The following USP7 variants were observed in gnomAD, a reference collection of about 807,000 sequenced individuals.
USP7 encodes the protein ubiquitin C-terminal hydrolase 7.
In USP7, 9 loss-of-function variants were observed where a neutral mutation model predicts 162.9. The observed-to-expected ratio is 0.06, with a 90% CI of 0.03 to 0.10. The LOEUF is 0.10. USP7 is among the 10% of genes least tolerant of loss of function. The pLI, the probability that USP7 is intolerant of heterozygous loss-of-function variation, is 1.00. For missense variants in USP7, 715 were observed against 1,373.7 expected (o/e 0.52, Z 7.58); for synonymous variants, 562 against 475.9 (o/e 1.18, Z -2.35).
intron 1 of USP7, chr16:8,936,859 T>C (rs2141243417): frequency 1.2e-6 from 1 of 848,818 alleles, no homozygotes; most frequent in African/African-American, 1.8e-5. Context: ...AATCTGACTT[T>C]GGTTAACAAC....
chr16:8,930,609 C>G (rs1898267729), intron 1 of USP7, among the ~76,000 whole-genome samples: 1 of 152,142 alleles, frequency 6.6e-6, no homozygotes, highest in African/African-American at 2.4e-5. Context: ...AATTTGAAAA[C>G]ATGCTATACC....
intron 1 of USP7, among the ~76,000 whole-genome samples, chr16:8,954,694 G>A (rs1202770543): frequency 6.6e-6 from 1 of 152,186 alleles, no homozygotes; most frequent in Non-Finnish European, 1.5e-5. Context: ...AGCAATTGCA[G>A]GCCGGGCACG....
intron 4 of USP7, 99 bp downstream of exon 4, chr16:8,921,058 C>A: frequency 3.0e-6 from 4 of 1,321,244 alleles, no homozygotes; most frequent in Non-Finnish European, 4.1e-6. Context: ...AAGTAAAAAT[C>A]TGACTCTAAA....
chr16:8,905,341 AAAC>A lies in USP7; in HGVS notation c.1429-13_1429-11del, dbSNP rs1257038000. 7.4e-6 allele frequency: 12 copies of A among 1,613,330 alleles called. No homozygotes were observed. Among genetic ancestry groups the A allele is most frequent in the South Asian group, 4.4e-5 (4 of 91,072 alleles). On this transcript the variant is annotated splice_polypyrimidine_tract_variant and intron_variant, in intron 13 of 30. Transcript: ENST00000344836. ...CATCAAATTTACACCACTGCAAGGA[AAAC>A]AACACACACCAGCAGCGATCAAGCA...
At chr16:8,948,620 G>A (rs997555889) in intron 1 of USP7, among the ~76,000 whole-genome samples, 3 of 152,186 alleles carry the variant, frequency 2.0e-5, no homozygotes, top group Non-Finnish European at 4.4e-5. Context: ...CTAAATCATG[G>A]TGAAGTTCCA....
At chr16:8,933,859 A>G (rs1159833524) in intron 1 of USP7, among the ~76,000 whole-genome samples, 2 of 151,570 alleles carry the variant, frequency 1.3e-5, no homozygotes, top group African/African-American at 4.9e-5. Flanking sequence ...GGGTTCAAAT[A>G]ATCCTCCTGC....
rs191330404 is a variant in USP7, at chr16:8,915,355, G to C, written c.988-11C>G. 1.9e-5 allele frequency: 31 copies of C among 1,613,110 alleles called. No homozygotes were observed. The highest frequency in any genetic ancestry group is 2.4e-5 in the Non-Finnish European group (28 of 1,179,648). ...ACACTGGATATAGGACTGCAAATAA[G>C]GAAAGTAAAAGTGGTTTAACTAGTA... On this transcript the variant is annotated splice_polypyrimidine_tract_variant and intron_variant, in intron 9 of 30. Coordinates refer to ENST00000344836, the MANE Select transcript of USP7 (RefSeq NM_003470.3).
chr16:8,956,593 C>G (rs1310521177), intron 1 of USP7, among the ~76,000 whole-genome samples: 1 of 151,984 alleles, frequency 6.6e-6, no homozygotes, highest in Admixed American at 6.6e-5. Flanking sequence ...GGTGAAACGC[C>G]ATCTCTACTA....
At chr16:8,899,814 G>C (rs930739355) in intron 21 of USP7, 57 bp from the exon 22 acceptor site, 1 of 1,590,380 alleles carries the variant, frequency 6.3e-7, no homozygotes, top group Non-Finnish European at 8.6e-7. Flanking sequence ...GGGGTAGCTG[G>C]TAAAAATGGC....
At chr16:8,957,829 G>A (rs539508613) in intron 1 of USP7, among the ~76,000 whole-genome samples, 74 of 151,638 alleles carry the variant, frequency 4.9e-4, no homozygotes, top group Admixed American at 3.2e-3. Context: ...ACAAAATACC[G>A]AAAAGAAATT....
At chr16:8,913,401 TGAAGC>T (rs1403504923) in intron 10 of USP7, among the ~76,000 whole-genome samples, 1 of 151,652 alleles carries the variant, frequency 6.6e-6, no homozygotes, top group Non-Finnish European at 1.5e-5. Context: ...AGAAGTGAAG[TGAAGC>T]GAAGCGAAGA....
intron 1 of USP7, among the ~76,000 whole-genome samples, chr16:8,958,676 T>C (rs911824107): frequency 6.6e-6 from 1 of 152,166 alleles, no homozygotes; most frequent in African/African-American, 2.4e-5. Context: ...TTCCTGCCAC[T>C]ATCTAGTGTT....
intron 1 of USP7, among the ~76,000 whole-genome samples, chr16:8,941,018 C>T (rs1054948926): frequency 1.3e-5 from 2 of 152,192 alleles, no homozygotes; most frequent in African/African-American, 4.8e-5. Context: ...GTCCAGCACT[C>T]AGGGACTCAA....
At chr16:8,902,713 T>G (rs1424586066) in intron 16 of USP7, among the ~76,000 whole-genome samples, 1 of 151,908 alleles carries the variant, frequency 6.6e-6, no homozygotes, top group Non-Finnish European at 1.5e-5. Context: ...CATGGTGAAC[T>G]CTCGTCTCTA....
chr16:8,915,251 T>TA lies in USP7; in HGVS notation c.1078+2dup, dbSNP rs749212015. 2.5e-6 allele frequency: 4 copies of TA among 1,597,992 alleles called. No individual in the cohort carries two copies. Among genetic ancestry groups the TA allele is most frequent in the South Asian group, 1.1e-5 (1 of 89,564 alleles). ...CATGCCATTAGATACACACAACACT[T>TA]ACTATTTTTCTTTCCTTTGATACTT... is the stretch of plus-strand genomic sequence containing the variant. On this transcript the variant is annotated splice_region_variant and intron_variant, in intron 10 of 30. Coordinates refer to ENST00000344836, the MANE Select transcript of USP7 (RefSeq NM_003470.3).
intron 10 of USP7, among the ~76,000 whole-genome samples, chr16:8,912,283 C>G (rs1438183161): frequency 6.6e-6 from 1 of 151,908 alleles, no homozygotes. Context: ...GAAACCCCGT[C>G]TCTACTAAAA....
chr16:8,903,000 A>G (rs2061801099), intron 16 of USP7, among the ~76,000 whole-genome samples: 1 of 152,204 alleles, frequency 6.6e-6, no homozygotes, highest in South Asian at 2.1e-4. Context: ...AAGAGGGGGT[A>G]GGGGTGCAGG....
chr16:8,957,200 TTAAC>T (rs1282733464), intron 1 of USP7, among the ~76,000 whole-genome samples: 1 of 152,226 alleles, frequency 6.6e-6, no homozygotes, highest in Non-Finnish European at 1.5e-5. Context: ...GAGGCATGTG[TTAAC>T]TTACTAGAAA....
At chr16:8,939,264 C>T (rs532954868) in intron 1 of USP7, among the ~76,000 whole-genome samples, 6 of 152,350 alleles carry the variant, frequency 3.9e-5, no homozygotes, top group South Asian at 2.1e-4. Flanking sequence ...CCCACCCCGG[C>T]GTGCGTGCTC....
Sources: gnomAD v4.1 joint callset for allele counts (sites outside exome capture counted in the v4.1 genomes callset) on GRCh38, gnomAD v4.1.1 for gene constraint, MANE v1.5 for transcripts, NCBI Gene and HGNC (gene_info 2026-07-23, HGNC 2026-07-21) for gene names.